CADPS: variants seen among roughly 807,000 people sequenced by gnomAD.
The protein encoded by CADPS is calcium dependent secretion activator.
In CADPS, 57 loss-of-function variants were observed where a neutral mutation model predicts 167.3. That is an observed-to-expected ratio of 0.34 (90% confidence interval 0.28 to 0.42). CADPS has a LOEUF of 0.42. CADPS is among the 20% of genes least tolerant of loss of function. The pLI, the probability that CADPS is intolerant of heterozygous loss-of-function variation, is 1.00. For missense variants in CADPS, 1,414 were observed against 1,738.1 expected (o/e 0.81, Z 3.32); for synonymous variants, 676 against 635.3 (o/e 1.06, Z -0.96).
At chr3:62,812,557 T>G (rs1381886415) in intron 1 of CADPS, among the ~76,000 whole-genome samples, 1 of 152,176 alleles carries the variant, frequency 6.6e-6, no homozygotes, top group Admixed American at 6.5e-5. Flanking sequence ...CAGATGTGCA[T>G]GCAATTTCAT....
intron 6 of CADPS, among the ~76,000 whole-genome samples, chr3:62,643,528 A>C (rs1432898446): frequency 6.6e-6 from 1 of 152,236 alleles, no homozygotes. Flanking sequence ...ATAAAACATG[A>C]ATATTTCATG....
intron 28 of CADPS, among the ~76,000 whole-genome samples, chr3:62,432,689 T>G (rs1259021526): frequency 6.6e-6 from 1 of 152,158 alleles, no homozygotes; most frequent in African/African-American, 2.4e-5. Flanking sequence ...CATATGGCAT[T>G]TCACCCTCAT....
At chr3:62,571,338 G>C (rs1299507201) in intron 8 of CADPS, among the ~76,000 whole-genome samples, 1 of 152,120 alleles carries the variant, frequency 6.6e-6, no homozygotes, top group African/African-American at 2.4e-5. Context: ...ACCTTCCCTT[G>C]TTTTCTTTTG....
At chr3:62,492,636 T>G (rs72891918) in intron 19 of CADPS, among the ~76,000 whole-genome samples, 190 bp from the exon 20 acceptor site, 3,237 of 152,292 alleles carry the variant, frequency 0.021, 111 homozygotes, top group African/African-American at 0.072. Context: ...TGCTTTGCGT[T>G]ATTCCAGGCC....
At chr3:62,599,777 A>AT (rs1562712248) in intron 6 of CADPS, among the ~76,000 whole-genome samples, 255 of 2,746 alleles carry the variant, frequency 0.093, 28 homozygotes, top group Non-Finnish European at 0.27. Context: ...TATAATATAT[A>AT]TATTATATAT....
At chr3:62,821,089 A>G (rs1230892443) in intron 1 of CADPS, among the ~76,000 whole-genome samples, 1 of 152,140 alleles carries the variant, frequency 6.6e-6, no homozygotes, top group African/African-American at 2.4e-5. Context: ...GTAAGCCACT[A>G]TGCCTGGCCT....
intron 7 of CADPS, among the ~76,000 whole-genome samples, chr3:62,586,795 C>T (rs1017155551): frequency 6.6e-6 from 1 of 152,118 alleles, no homozygotes; most frequent in East Asian, 1.9e-4. Context: ...TTTTATATTA[C>T]ATAAGTTTAC....
rs138683829 is a variant in CADPS, at chr3:62,737,236, G to T, written c.888+16205C>A. ...AGCCAAGGTGGGAAGATCACTTGAG[G>T]CCAGGAGTTCGAGACCAGCCTGGGT... On this transcript the variant is annotated intron_variant, in intron 3 of 29. Coordinates refer to ENST00000383710, the MANE Select transcript of CADPS (RefSeq NM_003716.4). Among the ~76,000 whole-genome samples, 1,353 of 152,096 alleles carry T rather than the reference G, an allele frequency of 8.9e-3. 19 individuals carry two copies. Among genetic ancestry groups the T allele is most frequent in the African/African-American group, 0.031 (1,271 of 41,486 alleles).
chr3:62,601,707 T>C lies in CADPS; in HGVS notation c.1326-8959A>G, dbSNP rs1038067712. On this transcript the variant is annotated intron_variant, in intron 6 of 29. Coordinates refer to ENST00000383710, the MANE Select transcript of CADPS (RefSeq NM_003716.4). The surrounding 1 kb of genome is among the most constrained non-coding windows in gnomAD (Gnocchi z 4.3). ...AGCTGGCTGACTCATTTAGTCACAC[T>C]ACATCATTATTAATATCAAATAATA... Among the ~76,000 whole-genome samples the C allele has an allele frequency of 2.6e-5, 4 of 152,210 alleles. No individual in the cohort carries two copies. The highest frequency in any genetic ancestry group is 5.9e-5 in the Non-Finnish European group (4 of 68,028).
intron 19 of CADPS, among the ~76,000 whole-genome samples, chr3:62,493,131 A>G (rs115153481): frequency 2.0e-4 from 31 of 152,352 alleles, no homozygotes; most frequent in African/African-American, 6.3e-4. Flanking sequence ...GGTTGGACAC[A>G]TATGTACATT....
intron 28 of CADPS, among the ~76,000 whole-genome samples, chr3:62,430,571 C>T (rs1033352144): frequency 6.6e-6 from 1 of 151,978 alleles, no homozygotes; most frequent in East Asian, 1.9e-4. Context: ...AGGTTCACTT[C>T]CAAGAATCCA....
At chr3:62,755,004 T>A (rs2083538266) in intron 2 of CADPS, among the ~76,000 whole-genome samples, 1 of 152,214 alleles carries the variant, frequency 6.6e-6, no homozygotes, top group African/African-American at 2.4e-5. Context: ...CACAATGTCT[T>A]CAGGTCCTAG....
At chr3:62,497,075 GTGA>G (rs1279241389) in intron 18 of CADPS, among the ~76,000 whole-genome samples, 2 of 152,124 alleles carry the variant, frequency 1.3e-5, no homozygotes, top group African/African-American at 4.8e-5. Flanking sequence ...AAAATATTTT[GTGA>G]TGATGGTTAT....
intron 3 of CADPS, among the ~76,000 whole-genome samples, chr3:62,674,282 T>C (rs1185072012): frequency 6.6e-6 from 1 of 152,322 alleles, no homozygotes; most frequent in South Asian, 2.1e-4. Context: ...TTGAGAACTG[T>C]CACATGCACC....
intron 3 of CADPS, among the ~76,000 whole-genome samples, chr3:62,692,206 G>C (rs895030302): frequency 1.3e-4 from 19 of 151,756 alleles, no homozygotes; most frequent in Non-Finnish European, 4.4e-5. Flanking sequence ...GATATATATA[G>C]CTACCCAGAA....
intron 24 of CADPS, among the ~76,000 whole-genome samples, chr3:62,472,175 T>G (rs2060708099): frequency 6.6e-6 from 1 of 151,308 alleles, no homozygotes; most frequent in African/African-American, 2.4e-5. Flanking sequence ...TAGAAAGTAT[T>G]TTGGTGATTA....
intron 28 of CADPS, among the ~76,000 whole-genome samples, chr3:62,409,063 C>G (rs1396402231): frequency 6.6e-6 from 1 of 152,190 alleles, no homozygotes; most frequent in Non-Finnish European, 1.5e-5. Context: ...ATACTACAAG[C>G]ATTATATAGT....
At chr3:62,694,250 A>G (rs1250927351) in intron 3 of CADPS, among the ~76,000 whole-genome samples, 3 of 152,152 alleles carry the variant, frequency 2.0e-5, no homozygotes, top group Non-Finnish European at 2.9e-5. Context: ...ATCAAAGTCC[A>G]TTGGATCAGG....
chr3:62,610,906 C>T (rs544768895), intron 6 of CADPS, among the ~76,000 whole-genome samples: 8 of 151,882 alleles, frequency 5.3e-5, no homozygotes, highest in Admixed American at 2.6e-4. Context: ...GCTGATTTTG[C>T]TCTCCAGAAT....
Sources: gnomAD v4.1 joint callset for allele counts (sites outside exome capture counted in the v4.1 genomes callset) on GRCh38, gnomAD v4.1.1 for gene constraint, Gnocchi (gnomAD v3.1) non-coding constraint, MANE v1.5 for transcripts, NCBI Gene and HGNC (gene_info 2026-07-23, HGNC 2026-07-21) for gene names.